Variants in UCMA observed in about 807,000 individuals in gnomAD.
The protein encoded by UCMA is upper zone of growth plate and cartilage matrix-associated protein.
Under a neutral mutation model 21.8 loss-of-function variants are expected in UCMA, and 21 were observed. The ratio of observed to expected loss-of-function variants is 0.97; its 90% CI spans 0.68 to 1.39. UCMA has a LOEUF of 1.39. UCMA is among the 40% of genes most tolerant of loss of function. The pLI is 0.00. For synonymous variants in UCMA, 76 were observed against 67.9 expected (o/e 1.12, Z -0.58); for missense variants, 193 against 178.9 (o/e 1.08, Z -0.45).
At chr10:13,228,038 GA>G (rs1472216406) in intron 4 of UCMA, among the ~76,000 whole-genome samples, 1 of 151,754 alleles carries the variant, frequency 6.6e-6, no homozygotes, top group Non-Finnish European at 1.5e-5. Context: ...AGAGACACTG[GA>G]CTCTCTGGTC....
intron 4 of UCMA, among the ~76,000 whole-genome samples, chr10:13,224,475 T>C (rs1389073190): frequency 3.3e-5 from 5 of 151,964 alleles, no homozygotes; most frequent in Non-Finnish European, 7.4e-5. Flanking sequence ...TTGTGTGTGT[T>C]TTATCACATT....
intron 3 of UCMA, 82 bp downstream of exon 3, chr10:13,233,456 G>C (rs984174557): frequency 8.7e-7 from 1 of 1,146,830 alleles, no homozygotes; most frequent in African/African-American, 1.5e-5. Context: ...CTGCTGCCCG[G>C]CTGACTGTGG....
At chr10:13,233,853 C>G in intron 1 of UCMA, 53 bp from the exon 2 acceptor site, 2 of 1,603,956 alleles carry the variant, frequency 1.2e-6, no homozygotes, top group South Asian at 1.1e-5. Flanking sequence ...GAGCCCAGAC[C>G]CTGAGCTGAG....
At chr10:13,224,169 A>G (rs1834794669) in intron 4 of UCMA, among the ~76,000 whole-genome samples, 1 of 152,126 alleles carries the variant, frequency 6.6e-6, no homozygotes, top group Non-Finnish European at 1.5e-5. Context: ...TACAAAAAAT[A>G]AAAAAATATT....
intron 1 of UCMA, 68 bp downstream of exon 1, chr10:13,234,133 T>G: frequency 6.8e-7 from 1 of 1,476,424 alleles, no homozygotes; most frequent in South Asian, 1.3e-5. Context: ...TGAGCAGCCT[T>G]ACCTGTGCAT....
At chr10:13,233,907 C>T (rs536942816) in intron 1 of UCMA, 107 bp from the exon 2 acceptor site, 2 of 1,412,664 alleles carry the variant, frequency 1.4e-6, no homozygotes, top group Non-Finnish European at 9.6e-7. Flanking sequence ...CAGGGCCTGG[C>T]AGGGGGCCCG....
At chr10:13,233,472 G>T in intron 3 of UCMA, 66 bp downstream of exon 3, 1 of 1,315,856 alleles carries the variant, frequency 7.6e-7, no homozygotes. Context: ...TGTGGGAGAG[G>T]AGGAGCCGGG....
intron 1 of UCMA, among the ~76,000 whole-genome samples, 182 bp from the exon 2 acceptor site, chr10:13,233,982 G>GT (rs941568812): frequency 1.7e-4 from 25 of 151,188 alleles, no homozygotes; most frequent in African/African-American, 5.3e-4. Flanking sequence ...GCTGGCTTGG[G>GT]TTTTTTTTCT....
chr10:13,232,344 C>T (rs1435522595), intron 3 of UCMA, among the ~76,000 whole-genome samples: 3 of 134,128 alleles, frequency 2.2e-5, no homozygotes, highest in Admixed American at 8.5e-5. Context: ...TGCACTCCAG[C>T]CTGGGCGACA....
chr10:13,234,136 C>T, intron 1 of UCMA, 65 bp downstream of exon 1: 1 of 1,490,224 alleles, frequency 6.7e-7, no homozygotes, highest in Non-Finnish European at 9.1e-7. Context: ...GCAGCCTTAC[C>T]TGTGCATGGT....
At chr10:13,228,559 T>C (rs76440776) in intron 4 of UCMA, among the ~76,000 whole-genome samples, 7,179 of 152,268 alleles carry the variant, frequency 0.047, 179 homozygotes, top group Middle Eastern at 0.071. Context: ...AGTTCAGCTT[T>C]CCTGGTTTGC....
chr10:13,229,752 G>A, intron 3 of UCMA, 43 bp from the exon 4 acceptor site: 2 of 1,537,590 alleles, frequency 1.3e-6, no homozygotes, highest in Non-Finnish European at 1.8e-6. Context: ...CAAGAATGAG[G>A]ACACTTAGGG....
At chr10:13,225,052 TC>T (rs983550850) in intron 4 of UCMA, among the ~76,000 whole-genome samples, 5 of 151,110 alleles carry the variant, frequency 3.3e-5, no homozygotes, top group African/African-American at 1.2e-4. Context: ...TGATTCAGCA[TC>T]CCTTTTTTTG....
At chr10:13,226,680 G>C (rs1834827305) in intron 4 of UCMA, among the ~76,000 whole-genome samples, 1 of 152,144 alleles carries the variant, frequency 6.6e-6, no homozygotes, top group South Asian at 2.1e-4. Context: ...CTCAGAGGCA[G>C]TTCGTGAGGA....
intron 3 of UCMA, 44 bp from the exon 4 acceptor site, chr10:13,229,753 A>G (rs1178208444): frequency 2.0e-6 from 3 of 1,536,522 alleles, no homozygotes; most frequent in Non-Finnish European, 2.7e-6. Flanking sequence ...AAGAATGAGG[A>G]CACTTAGGGG....
chr10:13,223,991 G>T (rs1473423301), intron 4 of UCMA, among the ~76,000 whole-genome samples: 2 of 152,096 alleles, frequency 1.3e-5, no homozygotes, highest in Non-Finnish European at 2.9e-5. Context: ...AGTGACTGTT[G>T]CACAGTGAAT....
At position 13,229,475 on chromosome 10, in the gene UCMA, C is replaced by T. The variant is rs947595605; in HGVS notation, c.319+136G>A. 5 of 720,614 alleles carry T rather than the reference C, an allele frequency of 6.9e-6. No homozygotes were observed. The African/African-American group carries it at 7.2e-5, about 10-fold the overall frequency. 44.6% of individuals were successfully genotyped at this position (720,614 alleles called of 1,614,324 possible). ...GAGCCAAGATCACACCACTGCATTCCAGCCTGGGCAACAGAGCAAGACTTC... is the reference window on the plus strand; with the variant it reads ...GAGCCAAGATCACACCACTGCATTCTAGCCTGGGCAACAGAGCAAGACTTC... On this transcript the variant is annotated intron_variant, in intron 4 of 4. Transcript: ENST00000378681.
At position 13,233,789 on chromosome 10, in the gene UCMA, CCT is replaced by C; in HGVS notation, c.68_69del (p.Glu23GlyfsTer18). ...ATGGTGCCCACAGATACACTGGTTC[CCT>C]CTCTCAGCACTGCAGGACAAGGGCA... is the stretch of plus-strand genomic sequence containing the variant. ...SAVVLLSMLR[E>X]GTSVSVGTMQ... On this transcript the variant is annotated frameshift_variant, in exon 2 of 5. Transcript: ENST00000378681. LOFTEE classifies it high-confidence loss of function. 1.9e-6 allele frequency: 3 copies of C among 1,613,834 alleles called. No individual in the cohort carries two copies. The highest frequency in any genetic ancestry group is 2.5e-6 in the Non-Finnish European group (3 of 1,180,000).
chr10:13,227,931 A>G (rs942416), intron 4 of UCMA, among the ~76,000 whole-genome samples: 55,836 of 151,454 alleles, frequency 0.37, 10,543 homozygotes, highest in Admixed American at 0.42. Flanking sequence ...GTCCCCAGCC[A>G]CACCATCCTC....
Sources: allele counts gnomAD v4.1 joint callset (sites outside exome capture counted in the v4.1 genomes callset), GRCh38; gene constraint gnomAD v4.1.1; transcripts MANE v1.5; gene names NCBI Gene and HGNC (gene_info 2026-07-23, HGNC 2026-07-21).